GCSH: variants seen among roughly 807,000 people sequenced by gnomAD.
The protein encoded by GCSH is glycine cleavage system H protein, mitochondrial.
GCSH carries 15 observed loss-of-function variants against 21.3 expected under a neutral mutation model. That is an observed-to-expected ratio of 0.70 (90% CI 0.47 to 1.08). The LOEUF is 1.08. GCSH is among the 50% of genes least tolerant of loss of function. The pLI is 0.00. For missense variants in GCSH, 179 were observed against 217.5 expected (o/e 0.82, Z 1.11); for synonymous variants, 59 against 84.5 (o/e 0.70, Z 1.66).
chr16:81,086,220 A>AAC (rs1972273561), intron 3 of GCSH, among the ~76,000 whole-genome samples: 1 of 149,472 alleles, frequency 6.7e-6, no homozygotes, highest in African/African-American at 2.5e-5. Context: ...AAAAAAAACA[A>AAC]AAAAAACACA....
chr16:81,090,850 C>T (rs955654554), intron 1 of GCSH, 170 bp from the exon 2 acceptor site: 19 of 675,792 alleles, frequency 2.8e-5, no homozygotes, highest in Admixed American at 1.7e-4. Context: ...ATAGAGATGA[C>T]GCATTTAAAC....
chr16:81,093,849 C>G (rs1429347968), intron 1 of GCSH, among the ~76,000 whole-genome samples: 1 of 152,070 alleles, frequency 6.6e-6, no homozygotes, highest in Non-Finnish European at 1.5e-5. Flanking sequence ...ATGATTAGTA[C>G]AATTCTCCTT....
intron 2 of GCSH, among the ~76,000 whole-genome samples, chr16:81,089,640 G>A (rs998911302): frequency 2.6e-5 from 4 of 151,310 alleles, no homozygotes; most frequent in Non-Finnish European, 5.9e-5. Context: ...CCATCATTAA[G>A]TGACACGAGT....
intron 1 of GCSH, among the ~76,000 whole-genome samples, chr16:81,095,866 C>G (rs1972494914): frequency 6.6e-6 from 1 of 152,144 alleles, no homozygotes; most frequent in Non-Finnish European, 1.5e-5. Context: ...CCGGGCCACC[C>G]CCGCCTCGGT....
chr16:81,090,510 C>G (rs1972376946), intron 2 of GCSH, 91 bp downstream of exon 2: 2 of 892,422 alleles, frequency 2.2e-6, no homozygotes, highest in Admixed American at 1.8e-5. Flanking sequence ...GCATGAGCCA[C>G]CTCACGCAGC....
intron 3 of GCSH, 98 bp from the exon 4 acceptor site, chr16:81,084,692 A>T: frequency 2.4e-6 from 2 of 823,292 alleles, no homozygotes; most frequent in Non-Finnish European, 3.9e-6. Flanking sequence ...TACAGCTATG[A>T]TTTTAAAATT....
At chr16:81,086,271 G>A (rs1972275770) in intron 3 of GCSH, among the ~76,000 whole-genome samples, 1 of 150,162 alleles carries the variant, frequency 6.7e-6, no homozygotes, top group South Asian at 2.1e-4. Flanking sequence ...GGCGGCTCAT[G>A]CTTGTAATCC....
At chr16:81,084,844 T>C (rs904123590) in intron 3 of GCSH, among the ~76,000 whole-genome samples, 4 of 151,602 alleles carry the variant, frequency 2.6e-5, no homozygotes, top group African/African-American at 9.7e-5. Context: ...CCCGAGTAGC[T>C]GGGACTACAG....
chr16:81,082,284 A>G lies in GCSH; in HGVS notation c.*582T>C, dbSNP rs1237426969. The G allele has an allele frequency of 6.7e-6, 3 of 446,316 alleles. No individual in the cohort carries two copies. Among genetic ancestry groups the G allele is most frequent in the African/African-American group, 6.1e-5 (3 of 49,566 alleles). The allele number at this position is 446,316 out of a possible 1,614,324, so 27.6% of individuals were successfully genotyped here. A position where few individuals can be genotyped will look rare whatever the true frequency, so the allele number is the denominator to read the frequency against. On this transcript the variant is annotated 3_prime_UTR_variant, in exon 5 of 5. Transcript: ENST00000315467. The stretch of plus-strand genomic sequence containing the variant: ...AGTTAGCACTTTCACAAATACTAGC[A>G]GAGTTACTAAATGAAATATTAACAT...
chr16:81,085,368 G>A (rs1475331230), intron 3 of GCSH, among the ~76,000 whole-genome samples: 2 of 152,050 alleles, frequency 1.3e-5, no homozygotes, highest in East Asian at 1.9e-4. Context: ...TAATAACCAC[G>A]AGAAGGGTAT....
intron 3 of GCSH, among the ~76,000 whole-genome samples, chr16:81,085,339 C>G (rs925399079): frequency 1.3e-5 from 2 of 151,994 alleles, no homozygotes; most frequent in Non-Finnish European, 2.9e-5. Flanking sequence ...AAAATAAAAC[C>G]ATAAGTTTTG....
chr16:81,083,757 T>A (rs1261652734), intron 4 of GCSH: 1 of 152,308 alleles, frequency 6.6e-6, no homozygotes. Flanking sequence ...ATAGAGAAAA[T>A]TGCTGTTAGC....
rs150875380 is a variant in GCSH at position 81,089,704 on chromosome 16, C to G, written c.228+897G>C. On this transcript the variant is annotated intron_variant, in intron 2 of 4. Transcript: ENST00000315467. ...CCCCGCCTCACCCAATACATACATC[C>G]AGTTGAAAATCACTGAACACGCTAG... Among the ~76,000 whole-genome samples the G allele has an allele frequency of 2.0e-5, 3 of 152,298 alleles. No individual in the cohort carries two copies. In the East Asian group the frequency reaches 5.8e-4, roughly 29 times the overall value.
rs745911170 is a variant in GCSH, at chr16:81,087,651, T to G, written c.242A>C (p.Asp81Ala). ...TTCAGGGAGACTACAATAAACAACA[T>G]CTCCCAACGCTTCCTAAATAAAACA... ...ISNFAQEALG[D>A]VVYCSLPEVG... The change falls in exon 3 of 5, where the codon GAT becomes GCT. Residue 81 changes from aspartate (D) to alanine (A), a missense_variant. Transcript: ENST00000315467. The G allele has an allele frequency of 1.2e-6, 2 of 1,611,834 alleles. No homozygotes were observed. The highest frequency in any genetic ancestry group is 1.7e-6 in the Non-Finnish European group (2 of 1,178,218).
chr16:81,096,371 G>A lies in GCSH; in HGVS notation c.-93C>T. ...GGGCAGTTCGCGGCCGGAGGGAGCC[G>A]GCTGGATGGAGGCGCGGAGGCGGTG... is the stretch of plus-strand genomic sequence containing the variant. On this transcript the variant is annotated 5_prime_UTR_variant, in exon 1 of 5. Coordinates refer to ENST00000315467, the MANE Select transcript of GCSH (RefSeq NM_004483.5). 2.7e-6 allele frequency: 3 copies of A among 1,091,484 alleles called. No individual in the cohort carries two copies. The highest frequency in any genetic ancestry group is 2.1e-5 in the South Asian group (1 of 48,252). The allele number at this position is 1,091,484 out of a possible 1,614,324, so 67.6% of individuals were successfully genotyped here. A position where few individuals can be genotyped will look rare whatever the true frequency, so the allele number is the denominator to read the frequency against.
In GCSH at chr16:81,095,499, C is replaced by G. The variant is rs534713255; in HGVS notation, c.148+632G>C. 3.9e-4 allele frequency among the ~76,000 whole-genome samples: 59 copies of G among 151,874 alleles called. 1 individual carries two copies. The South Asian group carries it at 3.9e-3, about 10-fold the overall frequency. On this transcript the variant is annotated intron_variant, in intron 1 of 4. Coordinates refer to ENST00000315467, the MANE Select transcript of GCSH (RefSeq NM_004483.5). ...CCAGGTTCAAGCGATTCTCCTGCCTCAGCCTCCCGAGTAGCTGGGATTACA... is the reference window on the plus strand; with the variant it reads ...CCAGGTTCAAGCGATTCTCCTGCCTGAGCCTCCCGAGTAGCTGGGATTACA...
intron 2 of GCSH, among the ~76,000 whole-genome samples, chr16:81,090,096 CTTTT>C (rs112174861): frequency 5.5e-5 from 8 of 146,204 alleles, no homozygotes; most frequent in Middle Eastern, 7.1e-3. Flanking sequence ...TTCTTTCTTT[CTTTT>C]TTTTTTTGGA....
intron 1 of GCSH, chr16:81,091,023 AAAAT>A: frequency 2.2e-6 from 1 of 450,230 alleles, no homozygotes; most frequent in Non-Finnish European, 4.3e-6. Flanking sequence ...TGCAGAAAAA[AAAAT>A]CTGTGCCTCT....
At chr16:81,084,860 C>T (rs1972240146) in intron 3 of GCSH, among the ~76,000 whole-genome samples, 1 of 151,512 alleles carries the variant, frequency 6.6e-6, no homozygotes, top group African/African-American at 2.4e-5. Context: ...TACAGGCGCC[C>T]ACCTGCCACC....
Sources: allele counts gnomAD v4.1 joint callset (sites outside exome capture counted in the v4.1 genomes callset), GRCh38; gene constraint gnomAD v4.1.1; transcripts MANE v1.5; gene names NCBI Gene and HGNC (gene_info 2026-07-23, HGNC 2026-07-21).